The following SEMA3A variants were observed in gnomAD, a reference collection of about 807,000 sequenced individuals.
SEMA3A encodes semaphorin 3A, also known as semaphorin-3A.
Under a neutral mutation model 97.9 loss-of-function variants are expected in SEMA3A, and 29 were observed. The observed-to-expected ratio is 0.30, with a 90% confidence interval of 0.22 to 0.40. SEMA3A has a LOEUF of 0.40. Ranked by LOEUF, SEMA3A falls within the 10% of genes least tolerant of loss-of-function variation. The pLI, the probability that SEMA3A is intolerant of heterozygous loss-of-function variation, is 1.00. For missense variants in SEMA3A, 763 were observed against 951.3 expected, an observed-to-expected ratio of 0.80 and a Z score of 2.60; for synonymous variants, 321 against 323.7, an observed-to-expected ratio of 0.99 and a Z score of 0.09.
At chr7:84,281,814 T>G (rs1800445934) in intron 3 of SEMA3A, among the ~76,000 whole-genome samples, 1 of 152,150 alleles carries the variant, frequency 6.6e-6, no homozygotes, top group Admixed American at 6.6e-5. Context: ...GCATAAAATA[T>G]TTTAAAAGAG....
chr7:84,173,899 G>A (rs1797477600), intron 1 of SEMA3A, among the ~76,000 whole-genome samples: 1 of 152,152 alleles, frequency 6.6e-6, no homozygotes, highest in South Asian at 2.1e-4. Context: ...ATTGTGAACT[G>A]CACATGTGAG....
At chr7:84,032,687 A>C (rs1791804899) in intron 6 of SEMA3A, among the ~76,000 whole-genome samples, 1 of 152,042 alleles carries the variant, frequency 6.6e-6, no homozygotes, top group South Asian at 2.1e-4. Context: ...AAGAAGTAAG[A>C]ATTCAAATTT....
At chr7:83,988,264 T>C (rs1225248285) in intron 12 of SEMA3A, among the ~76,000 whole-genome samples, 1 of 152,124 alleles carries the variant, frequency 6.6e-6, no homozygotes, top group African/African-American at 2.4e-5. Context: ...TCTCGCTCTG[T>C]CGCCGAGGCT....
intron 1 of SEMA3A, among the ~76,000 whole-genome samples, chr7:84,431,506 T>C (rs981881734): frequency 1.3e-5 from 2 of 151,956 alleles, no homozygotes; most frequent in African/African-American, 4.8e-5. Context: ...AAGAGTCAGA[T>C]TTTACTAGAT....
In SEMA3A at chr7:83,956,869, TA is replaced by T. The variant is rs1788295350; in HGVS notation, c.*4501del. Reference sequence around the variant, plus strand: ...ACTGATTCACAGCTGGAAAGTCACTTATTCTCTGAAGCACCCCATGATCTCT... The same window carrying T: ...ACTGATTCACAGCTGGAAAGTCACTTTTCTCTGAAGCACCCCATGATCTCT... On this transcript the variant is annotated 3_prime_UTR_variant, in exon 17 of 17. Coordinates refer to ENST00000265362, the MANE Select transcript of SEMA3A (RefSeq NM_006080.3). The T allele has an allele frequency of 6.6e-6, 1 of 152,256 alleles. No homozygotes were observed. The highest frequency in any genetic ancestry group is 2.1e-4 in the South Asian group (1 of 4,830). The allele number at this position is 152,256 out of a possible 1,614,324, so 9.4% of individuals were successfully genotyped here.
At chr7:84,406,593 CAAA>C (rs147679433) in intron 1 of SEMA3A, among the ~76,000 whole-genome samples, 1 of 150,274 alleles carries the variant, frequency 6.7e-6, no homozygotes, top group Non-Finnish European at 1.5e-5. Context: ...AGAGACACAA[CAAA>C]AAAAAAGAGA....
At chr7:84,181,471 A>C (rs2116237395) in intron 1 of SEMA3A, among the ~76,000 whole-genome samples, 1 of 152,144 alleles carries the variant, frequency 6.6e-6, no homozygotes, top group South Asian at 2.1e-4. Flanking sequence ...TCTTGGCAAA[A>C]GTAGTTTTTC....
At chr7:84,490,809 G>C (rs1247539044) in intron 1 of SEMA3A, among the ~76,000 whole-genome samples, 3 of 152,072 alleles carry the variant, frequency 2.0e-5, no homozygotes, top group Non-Finnish European at 4.4e-5. Context: ...TTTCATTAAG[G>C]GGCACTTGTT....
intron 1 of SEMA3A, among the ~76,000 whole-genome samples, chr7:84,380,653 A>C (rs980662071): frequency 2.0e-5 from 3 of 152,220 alleles, no homozygotes; most frequent in South Asian, 2.1e-4. Flanking sequence ...AAGCAACATA[A>C]ATTTATTATA....
intron 3 of SEMA3A, among the ~76,000 whole-genome samples, chr7:84,256,342 A>C (rs994161539): frequency 6.6e-6 from 1 of 152,190 alleles, no homozygotes; most frequent in Middle Eastern, 3.4e-3. Context: ...TTATCTTTGA[A>C]CAAGGGAAAT....
intron 6 of SEMA3A, among the ~76,000 whole-genome samples, chr7:84,025,098 A>G (rs1167913084): frequency 6.6e-6 from 1 of 152,218 alleles, no homozygotes; most frequent in African/African-American, 2.4e-5. Context: ...AAATGAATAA[A>G]TAAATAAATA....
At chr7:83,968,328 C>T (rs1306314805) in intron 15 of SEMA3A, among the ~76,000 whole-genome samples, 2 of 152,166 alleles carry the variant, frequency 1.3e-5, no homozygotes, top group Non-Finnish European at 2.9e-5. Flanking sequence ...TGTTCCCACC[C>T]TATGCTGAGT....
chr7:84,422,876 C>T (rs1020083955), intron 1 of SEMA3A, among the ~76,000 whole-genome samples: 2 of 151,912 alleles, frequency 1.3e-5, no homozygotes, highest in Non-Finnish European at 2.9e-5. Context: ...CCTATAGGGA[C>T]CAAAGAAATG....
intron 1 of SEMA3A, among the ~76,000 whole-genome samples, chr7:84,377,021 G>T (rs923573151): frequency 6.6e-6 from 1 of 152,082 alleles, no homozygotes; most frequent in Non-Finnish European, 1.5e-5. Context: ...TTTTCAGTTT[G>T]ATATAATCTT....
At chr7:83,965,627 CATATATATATATATATATATATATAT>C (rs869210450) in intron 15 of SEMA3A, among the ~76,000 whole-genome samples, 19 of 25,494 alleles carry the variant, frequency 7.5e-4, no homozygotes, top group Admixed American at 9.6e-4. Flanking sequence ...CCAATGGGTG[CATATATATATATATATATATATATAT>C]ATATATATAT....
At chr7:83,972,713 T>C (rs1317507308) in intron 15 of SEMA3A, among the ~76,000 whole-genome samples, 1 of 152,086 alleles carries the variant, frequency 6.6e-6, no homozygotes, top group African/African-American at 2.4e-5. Context: ...AAAATCTTAG[T>C]TTGTAACAGT....
intron 11 of SEMA3A, among the ~76,000 whole-genome samples, chr7:84,003,326 G>A (rs1489479102): frequency 2.6e-5 from 4 of 151,962 alleles, no homozygotes; most frequent in Middle Eastern, 3.2e-3. Context: ...TCATGTCTCC[G>A]GTACCCAAAC....
At chr7:84,331,471 T>C (rs1220757027) in intron 2 of SEMA3A, among the ~76,000 whole-genome samples, 1 of 152,172 alleles carries the variant, frequency 6.6e-6, no homozygotes, top group Non-Finnish European at 1.5e-5. Flanking sequence ...TAAGTTTTCA[T>C]TGCCCCTTAT....
Position 84,300,026 on chromosome 7 carries a change from C to A in SEMA3A, c.-83+7181G>T, listed in dbSNP as rs1584216886. Among the ~76,000 whole-genome samples the A allele has an allele frequency of 4.2e-5, 4 of 95,970 alleles. No individual in the cohort carries two copies. In the Admixed American group the frequency reaches 4.2e-4, roughly 10 times the overall value. 63.0% of individuals were successfully genotyped at this position (95,970 alleles called of 152,430 possible). The stretch of plus-strand genomic sequence containing the variant: ...CAGCCTGGGTGACAAGAGTGAGACT[C>A]AGTCACAAAAAAAAAAAAAAAAAAA... On this transcript the variant is annotated intron_variant, in intron 3 of 3. Transcript: ENST00000424555.
Sources: gnomAD v4.1 joint callset for allele counts (sites outside exome capture counted in the v4.1 genomes callset) on GRCh38, gnomAD v4.1.1 for gene constraint, MANE v1.5 for transcripts, NCBI Gene and HGNC (gene_info 2026-07-23, HGNC 2026-07-21) for gene names.